Variants in HMCN1 observed in about 807,000 individuals in gnomAD.
HMCN1 encodes hemicentin 1.
Under a neutral mutation model 625.9 loss-of-function variants are expected in HMCN1, and 321 were observed. The observed-to-expected ratio is 0.51, with a 90% CI of 0.47 to 0.56. The LOEUF (loss-of-function observed/expected upper bound fraction) is 0.56, where lower values mean the gene tolerates loss of function less well. Ranked by LOEUF, HMCN1 falls within the 20% of genes least tolerant of loss-of-function variation. The pLI is 0.00. For synonymous variants in HMCN1, 2,425 were observed against 2,417.6 expected, an observed-to-expected ratio of 1.00 and a Z score of -0.09; for missense variants, 6,588 against 6,887.3, an observed-to-expected ratio of 0.96 and a Z score of 1.54.
intron 71 of HMCN1, among the ~76,000 whole-genome samples, chr1:186,110,979 T>TTTTTTTTTTTTTTTTTG (rs1660852187): frequency 1.3e-5 from 1 of 78,776 alleles, no homozygotes; most frequent in African/African-American, 6.1e-5. Context: ...AGAAAATTCT[T>TTTTTTTTTTTTTTTTTG]TTTTTTTTTT....
chr1:185,745,610 G>C (rs1024862417), intron 1 of HMCN1, among the ~76,000 whole-genome samples: 1 of 152,102 alleles, frequency 6.6e-6, no homozygotes. Context: ...AGTCTCTTTC[G>C]TTTAAAATAT....
chr1:185,850,275 C>T (rs771961644), intron 2 of HMCN1, among the ~76,000 whole-genome samples: 5 of 152,034 alleles, frequency 3.3e-5, no homozygotes, highest in Non-Finnish European at 5.9e-5. Flanking sequence ...AGAAAATACC[C>T]GAAAAACCTA....
At chr1:185,935,177 A>G (rs1667747091) in intron 11 of HMCN1, among the ~76,000 whole-genome samples, 1 of 152,176 alleles carries the variant, frequency 6.6e-6, no homozygotes, top group Non-Finnish European at 1.5e-5. Context: ...GAAGTCCCTT[A>G]GAATGAGATT....
intron 11 of HMCN1, among the ~76,000 whole-genome samples, chr1:185,947,013 T>C (rs1668382484): frequency 6.6e-6 from 1 of 152,190 alleles, no homozygotes; most frequent in Non-Finnish European, 1.5e-5. Context: ...ATTAACTGAA[T>C]TTTATAACCA....
At chr1:186,095,607 G>A (rs1660099474) in intron 68 of HMCN1, 86 bp downstream of exon 68, 1 of 1,408,542 alleles carries the variant, frequency 7.1e-7, no homozygotes, top group Non-Finnish European at 9.6e-7. Context: ...CTGAGAATCA[G>A]TTGCTGTGAG....
Position 185,911,731 on chromosome 1 carries a change from C to T in HMCN1, c.851C>T (p.Ala284Val). ...GAGCTATTAAATATCCATAACTCTG[C>T]CAAAGTAGTGAATGTGAAAGAGCCA... ...LHELLNIHNS[A>V]KVVNVKEPEA... Residue 284 changes from alanine (A) to valine (V), a missense_variant, in exon 6 of 107, where the codon GCC (alanine) becomes GTC (valine). Physicochemically the swap from Ala to Val is moderately conservative, Grantham distance 64 (BLOSUM62 0). Around this residue, in one of 3 missense-constraint regions of HMCN1, gnomAD observed 4,628 missense variants for 4,853.1 expected, o/e 0.95. Coordinates refer to ENST00000271588, the MANE Select transcript of HMCN1 (RefSeq NM_031935.3). The T allele has an allele frequency of 1.9e-6, 3 of 1,613,472 alleles. No individual in the cohort carries two copies. The South Asian group carries it at 3.3e-5, about 18-fold the overall frequency.
At chr1:185,870,403 A>T (rs1267877266) in intron 4 of HMCN1, among the ~76,000 whole-genome samples, 1 of 152,178 alleles carries the variant, frequency 6.6e-6, no homozygotes, top group Non-Finnish European at 1.5e-5. Flanking sequence ...ACTGTTATTT[A>T]GATAATTCGC....
In HMCN1 at chr1:185,989,485, C is replaced by T. The variant is rs1393612022; in HGVS notation, c.3049-3C>T. On this transcript the variant is annotated splice_polypyrimidine_tract_variant and splice_region_variant and intron_variant, in intron 20 of 106. Coordinates refer to ENST00000271588, the MANE Select transcript of HMCN1 (RefSeq NM_031935.3). Reference sequence around the variant, plus strand: ...ACCCTTTGCTTTTCGCCGTGTTTTGCAGAAAGGAGAGCTGATTTCAACCAG... The same window carrying T: ...ACCCTTTGCTTTTCGCCGTGTTTTGTAGAAAGGAGAGCTGATTTCAACCAG... 1.2e-6 allele frequency: 2 copies of T among 1,613,780 alleles called. No individual in the cohort carries two copies. The highest frequency in any genetic ancestry group is 4.5e-5 in the East Asian group (2 of 44,872).
At chr1:185,985,554 G>C (rs1651951328) in intron 19 of HMCN1, among the ~76,000 whole-genome samples, 1 of 152,148 alleles carries the variant, frequency 6.6e-6, no homozygotes, top group Non-Finnish European at 1.5e-5. Flanking sequence ...GAATGATATG[G>C]TGTATTGTGA....
intron 69 of HMCN1, among the ~76,000 whole-genome samples, chr1:186,104,545 T>C (rs74136027): frequency 0.044 from 6,672 of 152,242 alleles, 497 homozygotes; most frequent in African/African-American, 0.15. Context: ...CTCTCTACTA[T>C]GTCCTGTTGT....
intron 11 of HMCN1, among the ~76,000 whole-genome samples, chr1:185,961,944 A>G (rs896965324): frequency 6.6e-6 from 1 of 152,192 alleles, no homozygotes; most frequent in Non-Finnish European, 1.5e-5. Flanking sequence ...CATTCCATCA[A>G]AAGTTTTAAG....
At chr1:185,900,424 C>G (rs1423932500) in intron 4 of HMCN1, among the ~76,000 whole-genome samples, 1 of 151,772 alleles carries the variant, frequency 6.6e-6, no homozygotes, top group Admixed American at 6.6e-5. Context: ...TAGAGGGGAT[C>G]TGGAAAGAGT....
intron 4 of HMCN1, among the ~76,000 whole-genome samples, chr1:185,884,671 T>C (rs1664522318): frequency 6.6e-6 from 1 of 152,014 alleles, no homozygotes; most frequent in African/African-American, 2.4e-5. Flanking sequence ...ACAAAATTGA[T>C]TTGAATGTGT....
At chr1:185,929,814 G>A (rs1444155072) in intron 10 of HMCN1, among the ~76,000 whole-genome samples, 1 of 152,096 alleles carries the variant, frequency 6.6e-6, no homozygotes, top group Non-Finnish European at 1.5e-5. Flanking sequence ...AATAAAGTTT[G>A]TCTTCTGAAA....
At chr1:186,025,064 G>T (rs1400216604) in intron 36 of HMCN1, among the ~76,000 whole-genome samples, 1 of 152,168 alleles carries the variant, frequency 6.6e-6, no homozygotes, top group Non-Finnish European at 1.5e-5. Context: ...CCATCTGGGG[G>T]TAACGGGAAA....
intron 1 of HMCN1, among the ~76,000 whole-genome samples, chr1:185,751,421 G>C (rs893947110): frequency 3.3e-5 from 5 of 151,600 alleles, no homozygotes; most frequent in Admixed American, 1.3e-4. Context: ...TTTTCTCTGT[G>C]GTTATTTTAA....
chr1:185,939,401 CA>C (rs1221137277), intron 11 of HMCN1, among the ~76,000 whole-genome samples: 1 of 152,168 alleles, frequency 6.6e-6, no homozygotes, highest in Non-Finnish European at 1.5e-5. Flanking sequence ...GCTATGCAAA[CA>C]AACAAATGGA....
intron 11 of HMCN1, among the ~76,000 whole-genome samples, chr1:185,937,807 G>T (rs1667888405): frequency 6.6e-6 from 1 of 151,544 alleles, no homozygotes; most frequent in South Asian, 2.1e-4. Context: ...CTTGAACTTG[G>T]GAGGCGGAGG....
Position 185,767,719 on chromosome 1 carries a change from G to T in HMCN1, c.268+32672G>T, listed in dbSNP as rs537302471. On this transcript the variant is annotated intron_variant, in intron 1 of 106. Transcript: ENST00000271588. ...CCTAGAGATGCTAATTATTCTTTAA[G>T]AATGTGGTAATGAGGTGAAACACAC... 5.9e-5 allele frequency among the ~76,000 whole-genome samples: 9 copies of T among 152,208 alleles called. No homozygotes were observed. The South Asian group carries it at 1.5e-3, about 25-fold the overall frequency.
Sources: allele counts gnomAD v4.1 joint callset (sites outside exome capture counted in the v4.1 genomes callset), GRCh38; gene constraint gnomAD v4.1.1; regional missense constraint gnomAD v4.1.1; transcripts MANE v1.5; gene names NCBI Gene and HGNC (gene_info 2026-07-23, HGNC 2026-07-21).